Variants in CENPC observed in about 807,000 individuals in gnomAD.
The protein encoded by CENPC is CENP-C 1.
CENPC carries 63 observed loss-of-function variants against 112.1 expected under a neutral mutation model. That is an observed-to-expected ratio of 0.56 (90% confidence interval 0.46 to 0.69). CENPC has a LOEUF of 0.69. Among genes scored for constraint, CENPC ranks in the 30% least tolerant of loss-of-function variants. CENPC has a pLI of 0.00. For synonymous variants in CENPC, 333 were observed against 367.6 expected, an observed-to-expected ratio of 0.91 and a Z score of 1.08; for missense variants, 1,000 against 1,103.8, an observed-to-expected ratio of 0.91 and a Z score of 1.33.
chr4:67,539,287 TAC>T (rs889966761), intron 4 of CENPC, among the ~76,000 whole-genome samples: 19 of 152,334 alleles, frequency 1.2e-4, no homozygotes, highest in Middle Eastern at 3.4e-3. Context: ...GATTGCCTTT[TAC>T]AGTTTTCTAG....
Position 67,473,080 on chromosome 4 carries a change from A to AT in CENPC, c.2762-406_2762-405insA, listed in dbSNP as rs745379528. 1.9e-3 allele frequency among the ~76,000 whole-genome samples: 283 copies of AT among 146,774 alleles called. 3 individuals carry two copies. The highest frequency in any genetic ancestry group is 6.3e-3 in the African/African-American group (253 of 40,118). ...TAAAATCTCAAAATTTTATTTATTT[A>AT]CTTATTTTTTGTTTTTGTTTTTTCT... On this transcript the variant is annotated intron_variant, in intron 18 of 18. Coordinates refer to ENST00000273853, the MANE Select transcript of CENPC (RefSeq NM_001812.4).
At position 67,512,482 on chromosome 4, in the gene CENPC, T is replaced by C; in HGVS notation, c.1532A>G (p.Glu511Gly). ...TTTCGTGACAGTTGAAGTCACTTCT[T>C]CAGGTACAAGTTTGTTCTTGGACTC... ...SSESKNKLVP[E>G]EVTSTVTKSR... The change falls in exon 9 of 19, where the codon GAA becomes GGA. Residue 511 changes from glutamate (E) to glycine (G), a missense_variant. Coordinates refer to ENST00000273853, the MANE Select transcript of CENPC (RefSeq NM_001812.4). 6.3e-7 allele frequency: 1 copy of C among 1,597,604 alleles called. No individual in the cohort carries two copies.
intron 9 of CENPC, among the ~76,000 whole-genome samples, chr4:67,509,818 C>G (rs1164739003): frequency 6.6e-6 from 1 of 152,132 alleles, no homozygotes; most frequent in East Asian, 1.9e-4. Context: ...ATTCCCTACA[C>G]TGCTGCAAGA....
In CENPC at chr4:67,518,267, G is replaced by C. The variant is rs1297505894; in HGVS notation, c.719C>G (p.Ser240Ter). ...TCGTATTCTATTCTGAGATGATCCT[G>C]ATGGTTTTCTTTCTTGTCCTTCCGA... ...KTSEGQERKPSGSSQNRIRDS... is the reference protein window; with the variant it reads ...KTSEGQERKP The change falls in exon 7 of 19, where the codon TCA becomes TGA. Residue 240 changes from serine (S) to a stop codon, truncating the protein, a stop_gained. Coordinates refer to ENST00000273853, the MANE Select transcript of CENPC (RefSeq NM_001812.4). LOFTEE classifies it high-confidence loss of function. The C allele has an allele frequency of 1.3e-6, 2 of 1,560,308 alleles. No individual in the cohort carries two copies. Among genetic ancestry groups the C allele is most frequent in the Non-Finnish European group, 1.7e-6 (2 of 1,152,654 alleles).
Position 67,472,204 on chromosome 4 carries a change from T to C in CENPC, c.*401A>G, listed in dbSNP as rs1378098721. 1 of 152,934 alleles carries C rather than the reference T, an allele frequency of 6.5e-6. No homozygotes were observed. The highest frequency in any genetic ancestry group is 2.4e-5 in the African/African-American group (1 of 41,468). The allele number at this position is 152,934 out of a possible 1,614,324, so 9.5% of individuals were successfully genotyped here. A position where few individuals can be genotyped will look rare whatever the true frequency, so the allele number is the denominator to read the frequency against. On this transcript the variant is annotated 3_prime_UTR_variant, in exon 19 of 19. Transcript: ENST00000273853. ...ATTTTGTTACAGCAGTTCTAGGAAA[T>C]TAATACAAACATGCCTTTTACCACA...
chr4:67,532,802 C>A (rs533285175), intron 4 of CENPC, among the ~76,000 whole-genome samples: 22 of 152,096 alleles, frequency 1.4e-4, no homozygotes, highest in African/African-American at 5.1e-4. Flanking sequence ...ATGTAAATGA[C>A]GAGTTAACGG....
At chr4:67,539,180 T>C (rs946700435) in intron 4 of CENPC, among the ~76,000 whole-genome samples, 4 of 152,160 alleles carry the variant, frequency 2.6e-5, no homozygotes, top group African/African-American at 7.2e-5. Flanking sequence ...TCAAAAACCA[T>C]TGTAATTTAT....
intron 5 of CENPC, among the ~76,000 whole-genome samples, chr4:67,526,705 TA>T (rs551956542): frequency 1.3e-3 from 203 of 152,056 alleles, no homozygotes; most frequent in Non-Finnish European, 2.2e-3. Context: ...AACACAGCAT[TA>T]AAAAAACTAT....
chr4:67,493,946 G>A lies in CENPC; in HGVS notation c.2228C>T (p.Thr743Ile). 6.2e-7 allele frequency: 1 copy of A among 1,612,870 alleles called. No individual in the cohort carries two copies. Reference sequence around the variant, plus strand: ...CCAGTACTCCAAAGGTTTCAAACGTGTTCTCTTGGTCCTGCGAACATTTGG... The same window carrying A: ...CCAGTACTCCAAAGGTTTCAAACGTATTCTCTTGGTCCTGCGAACATTTGG... ...NTPNVRRTKRTRLKPLEYWRG... is the reference protein window; with the variant it reads ...NTPNVRRTKRIRLKPLEYWRG... Residue 743 changes from threonine to isoleucine, a missense_variant, in exon 14 of 19, where the codon ACA (threonine) becomes ATA (isoleucine). Coordinates refer to ENST00000273853, the MANE Select transcript of CENPC (RefSeq NM_001812.4).
At position 67,519,217 on chromosome 4, in the gene CENPC, C is replaced by CT. The variant is rs1325731082; in HGVS notation, c.616dup (p.Arg206LysfsTer5). On this transcript the variant is annotated frameshift_variant and splice_region_variant, in exon 6 of 19. Coordinates refer to ENST00000273853, the MANE Select transcript of CENPC (RefSeq NM_001812.4). LOFTEE classifies it high-confidence loss of function. ...TAACATTATTTAAATAAAATGTTACCTTTTTTTGGTTTTAACTGAAACCTC... is the reference window on the plus strand; with the variant it reads ...TAACATTATTTAAATAAAATGTTACCTTTTTTTTGGTTTTAACTGAAACCTC... 4.0e-6 allele frequency: 6 copies of CT among 1,507,044 alleles called. No homozygotes were observed. Among genetic ancestry groups the CT allele is most frequent in the Admixed American group, 2.2e-5 (1 of 45,520 alleles). 93.4% of individuals were successfully genotyped at this position (1,507,044 alleles called of 1,614,324 possible).
At chr4:67,510,841 T>C in intron 9 of CENPC, 1 of 369,370 alleles carries the variant, frequency 2.7e-6, no homozygotes, top group Non-Finnish European at 5.3e-6. Context: ...ATATGATATA[T>C]AAAGATTCCT....
rs1055418833 is a variant in CENPC, at chr4:67,508,761, T to C, written c.1904+53A>G. 3 of 1,532,194 alleles carry C rather than the reference T, an allele frequency of 2.0e-6. No individual in the cohort carries two copies. The African/African-American group carries it at 4.2e-5, about 21-fold the overall frequency. The allele number at this position is 1,532,194 out of a possible 1,614,324, so 94.9% of individuals were successfully genotyped here. A position where few individuals can be genotyped will look rare whatever the true frequency, so the allele number is the denominator to read the frequency against. Reference sequence around the variant, plus strand: ...CCATAAATGACTAAATAGCACAAATTATTAAATGCTGAACAACAAAAGTAA... The same window carrying C: ...CCATAAATGACTAAATAGCACAAATCATTAAATGCTGAACAACAAAAGTAA... On this transcript the variant is annotated intron_variant, in intron 10 of 18. Coordinates refer to ENST00000273853, the MANE Select transcript of CENPC (RefSeq NM_001812.4).
intron 17 of CENPC, among the ~76,000 whole-genome samples, chr4:67,486,733 C>T (rs945547548): frequency 6.6e-6 from 1 of 152,154 alleles, no homozygotes; most frequent in African/African-American, 2.4e-5. Flanking sequence ...AAAAATGTTA[C>T]TAGTGCCATG....
intron 12 of CENPC, among the ~76,000 whole-genome samples, chr4:67,502,787 C>T (rs150704945): frequency 2.0e-5 from 3 of 152,138 alleles, no homozygotes; most frequent in East Asian, 3.9e-4. Context: ...TCCAGGAGCT[C>T]GGGCCAAAAA....
intron 3 of CENPC, 108 bp downstream of exon 3, chr4:67,540,872 T>C: frequency 1.3e-6 from 1 of 782,710 alleles, no homozygotes; most frequent in Non-Finnish European, 2.1e-6. Flanking sequence ...ATATTTTCCA[T>C]ATATTTAAAC....
chr4:67,477,821 G>GA (rs1724846190), intron 17 of CENPC, among the ~76,000 whole-genome samples: 1 of 151,840 alleles, frequency 6.6e-6, no homozygotes, highest in African/African-American at 2.4e-5. Context: ...GGATTTTGAT[G>GA]AAAAAATCTC....
At chr4:67,486,972 T>TTG (rs1725111794) in intron 17 of CENPC, among the ~76,000 whole-genome samples, 2 of 150,410 alleles carry the variant, frequency 1.3e-5, no homozygotes, top group Non-Finnish European at 3.0e-5. Context: ...TTTTAGGTTT[T>TTG]TTTTTTTTTT....
chr4:67,522,013 A>G (rs1726243173), intron 5 of CENPC, among the ~76,000 whole-genome samples: 1 of 152,216 alleles, frequency 6.6e-6, no homozygotes, highest in Non-Finnish European at 1.5e-5. Context: ...TGGTGGTGAT[A>G]GCCTCACAAC....
chr4:67,513,785 T>C (rs1577992270), intron 8 of CENPC, among the ~76,000 whole-genome samples: 1 of 152,196 alleles, frequency 6.6e-6, no homozygotes, highest in South Asian at 2.1e-4. Context: ...ATTTTCTAAA[T>C]AATTTATCAT....
Sources: gnomAD v4.1 joint callset for allele counts (sites outside exome capture counted in the v4.1 genomes callset) on GRCh38, gnomAD v4.1.1 for gene constraint, MANE v1.5 for transcripts, NCBI Gene and HGNC (gene_info 2026-07-23, HGNC 2026-07-21) for gene names.